SLC30A8: variants seen among roughly 807,000 people sequenced by gnomAD.
SLC30A8 encodes proton-coupled zinc antiporter SLC30A8.
Under a neutral mutation model 36.9 loss-of-function variants are expected in SLC30A8, and 27 were observed. The observed-to-expected ratio is 0.73, with a 90% CI of 0.54 to 1.01. The LOEUF (loss-of-function observed/expected upper bound fraction) is 1.01, where lower values mean the gene tolerates loss of function less well. Among genes scored for constraint, SLC30A8 ranks in the 50% least tolerant of loss-of-function variants. The probability of loss-of-function intolerance (pLI) is 0.00; values close to 1 mark genes in which losing one functional copy is unlikely to be tolerated. For synonymous variants in SLC30A8, 164 were observed against 172.4 expected (o/e 0.95, Z 0.38); for missense variants, 439 against 452.0 (o/e 0.97, Z 0.26).
intron 6 of SLC30A8, among the ~76,000 whole-genome samples, chr8:117,165,347 T>C (rs1033729288): frequency 2.6e-5 from 4 of 152,192 alleles, no homozygotes; most frequent in African/African-American, 9.7e-5. Context: ...ATAGGAAATA[T>C]GAAGCTACAT....
At chr8:117,072,710 C>G (rs1195067372) in intron 2 of SLC30A8, among the ~76,000 whole-genome samples, 1 of 152,046 alleles carries the variant, frequency 6.6e-6, no homozygotes, top group African/African-American at 2.4e-5. Context: ...TCTATGTGAG[C>G]TGTTTTGTCA....
upstream of SLC30A8, chr8:117,130,062 G>A (rs1821065495): frequency 6.6e-6 from 1 of 151,884 alleles, no homozygotes; most frequent in African/African-American, 2.4e-5. Context: ...TGATGGTAGT[G>A]GTGAGATTTG....
intron 1 of SLC30A8, among the ~76,000 whole-genome samples, chr8:117,034,490 T>G (rs747840746): frequency 2.6e-5 from 4 of 152,174 alleles, no homozygotes; most frequent in Non-Finnish European, 5.9e-5. Context: ...ATAACAACCC[T>G]GTAAGACAGG....
At chr8:116,969,352 A>C (rs1017041251) in intron 1 of SLC30A8, among the ~76,000 whole-genome samples, 1 of 152,156 alleles carries the variant, frequency 6.6e-6, no homozygotes, top group African/African-American at 2.4e-5. Flanking sequence ...CGGGAGGTGG[A>C]GGTTGCAGTG....
At chr8:117,130,181 G>A (rs1821070113), upstream of SLC30A8, 1 of 151,988 alleles carries the variant, frequency 6.6e-6, no homozygotes, top group African/African-American at 2.4e-5. Flanking sequence ...GTGCTTCCAA[G>A]CAGGAAAGAC....
chr8:117,068,208 C>T (rs62510505), intron 2 of SLC30A8, among the ~76,000 whole-genome samples: 8,941 of 152,216 alleles, frequency 0.059, 304 homozygotes, highest in East Asian at 0.12. Flanking sequence ...AAGCCAGACT[C>T]GAACCCAGTT....
chr8:116,986,113 C>T (rs757973291), intron 1 of SLC30A8, among the ~76,000 whole-genome samples: 1 of 151,864 alleles, frequency 6.6e-6, no homozygotes, highest in Non-Finnish European at 1.5e-5. Context: ...AACAGGAACA[C>T]CTAGTGGTTA....
chr8:117,157,172 T>C (rs1822534613), intron 3 of SLC30A8, among the ~76,000 whole-genome samples: 1 of 152,244 alleles, frequency 6.6e-6, no homozygotes, highest in Non-Finnish European at 1.5e-5. Flanking sequence ...CTCACCTCTG[T>C]GTTTATAATA....
At position 117,135,403 on chromosome 8, in the gene SLC30A8, TA is replaced by T. The variant is rs1563618749; in HGVS notation, c.71+6del. 1 of 1,575,628 alleles carries T rather than the reference TA, an allele frequency of 6.3e-7. No homozygotes were observed. The highest frequency in any genetic ancestry group is 1.7e-5 in the Admixed American group (1 of 57,740). ...GTATGCTTTCACACTAGAAAGGTAA[TA>T]GATGTCTGTGTCTGCTTCACAATTT... is the stretch of plus-strand genomic sequence containing the variant. On this transcript the variant is annotated splice_donor_region_variant and intron_variant, in intron 1 of 7. Transcript: ENST00000456015.
intron 1 of SLC30A8, among the ~76,000 whole-genome samples, chr8:116,987,430 T>TATAATA (rs5894358): frequency 0.47 from 70,552 of 150,986 alleles, 16,638 homozygotes; most frequent in African/African-American, 0.51. Flanking sequence ...ACCCTAAAAG[T>TATAATA]ATAATAAAAT....
At chr8:117,155,012 T>C (rs1224061673) in intron 3 of SLC30A8, among the ~76,000 whole-genome samples, 2 of 152,170 alleles carry the variant, frequency 1.3e-5, no homozygotes, top group Non-Finnish European at 2.9e-5. Context: ...CCATGCATGA[T>C]TGGTGGCTAC....
intron 1 of SLC30A8, among the ~76,000 whole-genome samples, chr8:116,986,565 AATC>A (rs1205313487): frequency 6.6e-6 from 1 of 152,230 alleles, no homozygotes; most frequent in Non-Finnish European, 1.5e-5. Context: ...AGTGGGAATC[AATC>A]ATCAAGTCAG....
At chr8:116,992,319 G>A (rs1283283567) in intron 1 of SLC30A8, among the ~76,000 whole-genome samples, 1 of 152,164 alleles carries the variant, frequency 6.6e-6, no homozygotes, top group African/African-American at 2.4e-5. Flanking sequence ...TCAGACTAAA[G>A]CTTCCGCCAA....
At chr8:117,099,206 C>T (rs138992999) in intron 2 of SLC30A8, among the ~76,000 whole-genome samples, 306 of 152,270 alleles carry the variant, frequency 2.0e-3, no homozygotes, top group Admixed American at 3.3e-3. Flanking sequence ...AGTCTTGGTT[C>T]TGTCCTGAGG....
At chr8:117,070,115 A>G (rs1027581552) in intron 2 of SLC30A8, among the ~76,000 whole-genome samples, 5 of 152,230 alleles carry the variant, frequency 3.3e-5, no homozygotes, top group Admixed American at 2.6e-4. Context: ...ATTCAGAGAC[A>G]TGTCCAGTGC....
intron 2 of SLC30A8, among the ~76,000 whole-genome samples, chr8:117,151,900 A>G (rs1822208810): frequency 6.6e-6 from 1 of 152,238 alleles, no homozygotes; most frequent in African/African-American, 2.4e-5. Flanking sequence ...GTGACTGTTC[A>G]GTAACAAGCT....
chr8:117,134,136 G>C (rs1021820495), upstream of SLC30A8, among the ~76,000 whole-genome samples: 3 of 151,842 alleles, frequency 2.0e-5, no homozygotes, highest in Non-Finnish European at 4.4e-5. Context: ...CATTTTATTA[G>C]GCCATTGTGA....
At chr8:116,971,153 T>A (rs1195076492) in intron 1 of SLC30A8, among the ~76,000 whole-genome samples, 2 of 152,208 alleles carry the variant, frequency 1.3e-5, no homozygotes, top group Middle Eastern at 3.4e-3. Context: ...AAATAGTTAA[T>A]GCATGTTGAG....
intron 1 of SLC30A8, among the ~76,000 whole-genome samples, chr8:117,019,856 T>G (rs1352380597): frequency 6.6e-6 from 1 of 152,190 alleles, no homozygotes; most frequent in Non-Finnish European, 1.5e-5. Flanking sequence ...TTGGTATGGC[T>G]GGAATGTTGA....
Sources: allele counts gnomAD v4.1 joint callset (sites outside exome capture counted in the v4.1 genomes callset), GRCh38; gene constraint gnomAD v4.1.1; transcripts MANE v1.5; gene names NCBI Gene and HGNC (gene_info 2026-07-23, HGNC 2026-07-21).